CERT1: variants seen among roughly 807,000 people sequenced by gnomAD.
CERT1 encodes the protein ceramide transfer protein.
Under a neutral mutation model 87.9 loss-of-function variants are expected in CERT1, and 31 were observed. The observed-to-expected ratio is 0.35, with a 90% CI of 0.27 to 0.48. The LOEUF (loss-of-function observed/expected upper bound fraction) is 0.48, where lower values mean the gene tolerates loss of function less well. CERT1 is among the 20% of genes least tolerant of loss of function. The pLI is 0.99. For synonymous variants in CERT1, 289 were observed against 250.9 expected (o/e 1.15, Z -1.44); for missense variants, 487 against 758.0 (o/e 0.64, Z 4.20).
At chr5:75,407,380 G>A (rs867868306) in intron 8 of CERT1, among the ~76,000 whole-genome samples, 1 of 150,862 alleles carries the variant, frequency 6.6e-6, no homozygotes, top group East Asian at 1.9e-4. Flanking sequence ...GAGAAAAGTG[G>A]ATCAAAGGAC....
chr5:75,471,843 C>T (rs1311611644), intron 2 of CERT1, among the ~76,000 whole-genome samples: 2 of 150,384 alleles, frequency 1.3e-5, no homozygotes, highest in Admixed American at 1.3e-4. Flanking sequence ...AAAATGTCTA[C>T]ACTACCCAAA....
chr5:75,445,389 G>C (rs1184303962), intron 3 of CERT1, among the ~76,000 whole-genome samples: 1 of 152,184 alleles, frequency 6.6e-6, no homozygotes, highest in East Asian at 1.9e-4. Context: ...TTGCAGTGCA[G>C]GTCTAGTGGC....
At chr5:75,387,154 C>A (rs1195968090) in intron 12 of CERT1, among the ~76,000 whole-genome samples, 1 of 152,096 alleles carries the variant, frequency 6.6e-6, no homozygotes, top group Non-Finnish European at 1.5e-5. Context: ...CAGGTATGAG[C>A]CACTGCCACC....
chr5:75,509,373 G>T (rs908723765), intron 1 of CERT1, among the ~76,000 whole-genome samples: 15 of 152,070 alleles, frequency 9.9e-5, no homozygotes, highest in African/African-American at 3.4e-4. Context: ...AAAGCTTCCA[G>T]AAAACTGTAT....
At chr5:75,372,328 T>A in intron 17 of CERT1, 1 of 148,126 alleles carries the variant, frequency 6.8e-6, no homozygotes, top group Admixed American at 6.7e-5. Context: ...ACCCCCCCAT[T>A]CTCCCATCCC....
At chr5:75,415,294 A>G (rs965373071) in intron 7 of CERT1, among the ~76,000 whole-genome samples, 69 of 152,248 alleles carry the variant, frequency 4.5e-4, no homozygotes, top group African/African-American at 1.7e-3. Context: ...TAGATCTGTA[A>G]GAAGACTATA....
chr5:75,509,238 G>A (rs1767801921), intron 1 of CERT1, among the ~76,000 whole-genome samples: 3 of 152,064 alleles, frequency 2.0e-5, no homozygotes, highest in Admixed American at 2.0e-4. Context: ...AACAAAATCC[G>A]AGTTCTGACC....
rs180947936 is a variant in CERT1, at chr5:75,509,231, A to G, written c.96+1881T>C. Among the ~76,000 whole-genome samples the G allele has an allele frequency of 4.6e-5, 7 of 152,332 alleles. No homozygotes were observed. The East Asian group carries it at 1.4e-3, about 29-fold the overall frequency. On this transcript the variant is annotated intron_variant, in intron 1 of 16. Coordinates refer to ENST00000643780, the MANE Select transcript of CERT1 (RefSeq NM_001379029.1). ...CATTACTCAATGGAAGGAAAAGAAC[A>G]AAATCCGAGTTCTGACCTTTGTTTA... is the stretch of plus-strand genomic sequence containing the variant.
intron 3 of CERT1, among the ~76,000 whole-genome samples, chr5:75,442,379 T>C (rs959656712): frequency 2.0e-5 from 3 of 152,082 alleles, no homozygotes; most frequent in African/African-American, 4.8e-5. Context: ...CACCACCACG[T>C]CCAGCTAATT....
chr5:75,435,198 A>T (rs1764037392), intron 3 of CERT1, among the ~76,000 whole-genome samples: 1 of 152,088 alleles, frequency 6.6e-6, no homozygotes, highest in Non-Finnish European at 1.5e-5. Context: ...AAGCTATGAG[A>T]TTCTTTCTTC....
At chr5:75,450,578 A>G (rs1419142361) in intron 3 of CERT1, among the ~76,000 whole-genome samples, 1 of 152,158 alleles carries the variant, frequency 6.6e-6, no homozygotes, top group Non-Finnish European at 1.5e-5. Flanking sequence ...CTGAGTCTAG[A>G]GCCTTTTAAG....
chr5:75,511,340 G>GGA lies in CERT1; in HGVS notation c.-134_-133insTC. 1.9e-6 allele frequency: 3 copies of GGA among 1,545,132 alleles called. No individual in the cohort carries two copies. The highest frequency in any genetic ancestry group is 1.7e-6 in the Non-Finnish European group (2 of 1,146,146). On this transcript the variant is annotated 5_prime_UTR_variant, in exon 1 of 17. Coordinates refer to ENST00000643780, the MANE Select transcript of CERT1 (RefSeq NM_001379029.1). The stretch of plus-strand genomic sequence containing the variant: ...CCCGCTCCGGTGTGGGGGGGAGCAG[G>GGA]AGGAGGGACGAAGTCCGCCCGCCGC...
intron 11 of CERT1, among the ~76,000 whole-genome samples, chr5:75,396,424 T>A (rs1256521556): frequency 1.3e-5 from 2 of 152,114 alleles, no homozygotes. Flanking sequence ...TGATGTATAT[T>A]TGTGTATTAA....
In CERT1 at chr5:75,511,145, C is replaced by T; in HGVS notation, c.63G>A (p.Gly21=). 6.2e-7 allele frequency: 1 copy of T among 1,608,204 alleles called. No homozygotes were observed. Among genetic ancestry groups the T allele is most frequent in the South Asian group, 1.1e-5 (1 of 90,258 alleles). The change falls in exon 1 of 17, where the codon GGG becomes GGA. Residue 21 remains glycine (G), a synonymous_variant. Transcript: ENST00000643780. Reference sequence around the variant, plus strand: ...GGACCCCGCAGCGCTCCACAGGCGGCCCAGACTCCGTCTCTGGATCCTCCT... The same window carrying T: ...GGACCCCGCAGCGCTCCACAGGCGGTCCAGACTCCGTCTCTGGATCCTCCT... The part of the protein sequence containing the change: ...GSEEDPETES[G]PPVERCGVLS...
At chr5:75,419,496 G>T in intron 5 of CERT1, 72 bp from the exon 6 acceptor site, 2 of 1,012,288 alleles carry the variant, frequency 2.0e-6, no homozygotes, top group Non-Finnish European at 3.0e-6. Flanking sequence ...ATGTTCAACT[G>T]AGTCATTTTA....
intron 2 of CERT1, among the ~76,000 whole-genome samples, chr5:75,491,301 G>T (rs1166084392): frequency 6.6e-6 from 1 of 151,706 alleles, no homozygotes; most frequent in African/African-American, 2.4e-5. Flanking sequence ...TTTTTTTCTT[G>T]CAGGTCTTTA....
chr5:75,475,740 G>T (rs112085306), intron 2 of CERT1, among the ~76,000 whole-genome samples: 62 of 151,398 alleles, frequency 4.1e-4, no homozygotes, highest in African/African-American at 9.0e-4. Flanking sequence ...GCTTTCCTTG[G>T]AATCAGTATA....
Position 75,403,174 on chromosome 5 carries a change from T to G in CERT1, c.931-116A>C, listed in dbSNP as rs544135570. ...ACCTAATAAACATTTATTGAACACA[T>G]ATTTACAAAGCAGTCAGTATACTAG... On this transcript the variant is annotated intron_variant, in intron 8 of 16. Transcript: ENST00000643780. The G allele has an allele frequency of 5.0e-5, 35 of 699,610 alleles. 1 individual carries two copies. In the South Asian group the frequency reaches 5.7e-4, roughly 11 times the overall value. The allele number at this position is 699,610 out of a possible 1,614,324, so 43.3% of individuals were successfully genotyped here.
At position 75,460,419 on chromosome 5, in the gene CERT1, G is replaced by A. The variant is rs768933709; in HGVS notation, c.232-1238C>T. On this transcript the variant is annotated intron_variant, in intron 2 of 16. Transcript: ENST00000643780. ...ACATGAGCTATCTAGAGAAAACTCC[G>A]CATTAAGGTGTAAACATTTAGTGAA... Among the ~76,000 whole-genome samples the A allele has an allele frequency of 6.6e-5, 10 of 152,190 alleles. No individual in the cohort carries two copies. The East Asian group carries it at 7.7e-4, about 12-fold the overall frequency.
Sources: gnomAD v4.1 joint callset for allele counts (sites outside exome capture counted in the v4.1 genomes callset) on GRCh38, gnomAD v4.1.1 for gene constraint, MANE v1.5 for transcripts, NCBI Gene and HGNC (gene_info 2026-07-23, HGNC 2026-07-21) for gene names.